RPH3AL: variants seen among roughly 807,000 people sequenced by gnomAD.
RPH3AL encodes rab effector Noc2.
RPH3AL carries 38 observed loss-of-function variants against 43.1 expected under a neutral mutation model. The ratio of observed to expected loss-of-function variants is 0.88; its 90% CI spans 0.68 to 1.15. The LOEUF is 1.15. Ranked by LOEUF, RPH3AL falls within the 50% of genes most tolerant of loss-of-function variation. The pLI, the probability that RPH3AL is intolerant of heterozygous loss-of-function variation, is 0.00. For synonymous variants in RPH3AL, 189 were observed against 176.3 expected (o/e 1.07, Z -0.57); for missense variants, 462 against 423.2 (o/e 1.09, Z -0.81).
chr17:308,488 G>A (rs2043558040), intron 5 of RPH3AL, among the ~76,000 whole-genome samples: 1 of 152,226 alleles, frequency 6.6e-6, no homozygotes, highest in South Asian at 2.1e-4. Flanking sequence ...TTGCAGAGGG[G>A]TTTGCACGCT....
chr17:241,092 A>G (rs1412858767), intron 7 of RPH3AL, among the ~76,000 whole-genome samples: 1 of 64,932 alleles, frequency 1.5e-5, no homozygotes, highest in Non-Finnish European at 3.2e-5. Flanking sequence ...TAATAATAAT[A>G]ATAATAATCT....
At chr17:248,262 G>A (rs1555541013) in intron 6 of RPH3AL, among the ~76,000 whole-genome samples, 2 of 152,174 alleles carry the variant, frequency 1.3e-5, no homozygotes, top group African/African-American at 4.8e-5. Context: ...TGCCCCTCGG[G>A]AGAGGGGCTC....
At chr17:307,092 C>T (rs1031364833) in intron 5 of RPH3AL, among the ~76,000 whole-genome samples, 5 of 152,066 alleles carry the variant, frequency 3.3e-5, no homozygotes, top group South Asian at 2.1e-4. Flanking sequence ...GTCCTCCCCA[C>T]GGCAGGCCCA....
intron 8 of RPH3AL, among the ~76,000 whole-genome samples, chr17:217,093 T>C (rs898990639): frequency 6.9e-6 from 1 of 144,492 alleles, no homozygotes; most frequent in African/African-American, 2.6e-5. Flanking sequence ...GCCCTTCTTC[T>C]GCACTAAAAT....
At chr17:330,301 C>T (rs547912430) in intron 2 of RPH3AL, among the ~76,000 whole-genome samples, 19 of 152,330 alleles carry the variant, frequency 1.2e-4, no homozygotes, top group African/African-American at 3.6e-4. Context: ...CTGGGCAGCC[C>T]CAGACCCCAA....
At chr17:332,915 G>A in intron 2 of RPH3AL, 1 of 883,958 alleles carries the variant, frequency 1.1e-6, no homozygotes, top group Non-Finnish European at 1.6e-6. Context: ...CGCAGTACAG[G>A]GACTAGGAGG....
chr17:303,208 A>AT (rs1405968523), intron 5 of RPH3AL, among the ~76,000 whole-genome samples: 7 of 152,150 alleles, frequency 4.6e-5, no homozygotes, highest in African/African-American at 1.7e-4. Flanking sequence ...CCTGGGCAAC[A>AT]TAACAAGGCC....
chr17:255,822 G>T (rs1235723283), intron 6 of RPH3AL, among the ~76,000 whole-genome samples: 2 of 43,390 alleles, frequency 4.6e-5, no homozygotes, highest in East Asian at 5.7e-4. Context: ...CTAGGAACGT[G>T]ACTACCCTAC....
chr17:317,585 TG>T (rs1278085077), intron 5 of RPH3AL, among the ~76,000 whole-genome samples: 4 of 152,118 alleles, frequency 2.6e-5, no homozygotes, highest in Non-Finnish European at 4.4e-5. Flanking sequence ...TTGGCAAGGC[TG>T]AAGGAGGAGC....
intron 5 of RPH3AL, among the ~76,000 whole-genome samples, chr17:291,067 C>T (rs113440438): frequency 6.6e-6 from 1 of 152,218 alleles, no homozygotes; most frequent in Non-Finnish European, 1.5e-5. Flanking sequence ...GCCTGGAAAA[C>T]GTACGCTGTG....
intron 5 of RPH3AL, among the ~76,000 whole-genome samples, chr17:314,436 GC>G (rs1157679479): frequency 0.037 from 4,063 of 109,644 alleles, 185 homozygotes; most frequent in Middle Eastern, 0.062. Context: ...TAGTCCCTCT[GC>G]CCCCACCTCC....
chr17:323,001 C>T lies in RPH3AL; in HGVS notation c.78-1586G>A, dbSNP rs1438563688. On this transcript the variant is annotated intron_variant, in intron 3 of 9. Transcript: ENST00000331302. The surrounding 1 kb of genome is among the most constrained non-coding windows in gnomAD (Gnocchi z 4.4). ...AGGGATGCCATGAGAATTAATGAGG[C>T]AGGGTAGATAAGGTGCTTTTACATA... is the stretch of plus-strand genomic sequence containing the variant. Among the ~76,000 whole-genome samples, 2 of 152,062 alleles carry T rather than the reference C, an allele frequency of 1.3e-5. No individual in the cohort carries two copies. The highest frequency in any genetic ancestry group is 4.8e-5 in the African/African-American group (2 of 41,368).
chr17:232,591 G>C (rs61214440), intron 7 of RPH3AL, among the ~76,000 whole-genome samples: 1 of 152,086 alleles, frequency 6.6e-6, no homozygotes, highest in Non-Finnish European at 1.5e-5. Flanking sequence ...CCCTCCCCTC[G>C]CCCTGTCTCA....
chr17:281,271 G>C (rs917688654), intron 6 of RPH3AL, among the ~76,000 whole-genome samples: 1 of 152,164 alleles, frequency 6.6e-6, no homozygotes, highest in South Asian at 2.1e-4. Context: ...CTCTGTGCTT[G>C]CAGGTTATTT....
intron 6 of RPH3AL, among the ~76,000 whole-genome samples, chr17:260,515 C>T (rs537441737): frequency 5.3e-5 from 8 of 152,312 alleles, no homozygotes; most frequent in South Asian, 2.1e-4. Context: ...GGGGAGACCT[C>T]GCCTTCAAGG....
intron 6 of RPH3AL, among the ~76,000 whole-genome samples, chr17:280,947 T>A (rs955764973): frequency 6.6e-6 from 1 of 152,120 alleles, no homozygotes; most frequent in Non-Finnish European, 1.5e-5. Context: ...TAAAAAGTAA[T>A]AAATCCTGAT....
At chr17:325,342 G>T (rs1191414139) in intron 3 of RPH3AL, among the ~76,000 whole-genome samples, 1 of 152,134 alleles carries the variant, frequency 6.6e-6, no homozygotes, top group African/African-American at 2.4e-5. Context: ...CGGAACATGA[G>T]TCTCTGGAGG....
intron 7 of RPH3AL, among the ~76,000 whole-genome samples, chr17:237,918 C>T (rs999019048): frequency 2.0e-5 from 3 of 152,078 alleles, no homozygotes; most frequent in African/African-American, 7.2e-5. Flanking sequence ...GAGGCTGAGC[C>T]AGACAGATGA....
chr17:322,622 C>T lies in RPH3AL; in HGVS notation c.78-1207G>A, dbSNP rs2044511240. ...GAGGGGATGAGGCTCTGGAAAGGCT[C>T]GCTTTCTTTAGGGAAGTGTCAGAAG... On this transcript the variant is annotated intron_variant, in intron 3 of 9. Coordinates refer to ENST00000331302, the MANE Select transcript of RPH3AL (RefSeq NM_006987.4). This position sits in a 1 kb window ranked among gnomAD's most constrained non-coding sequence, Gnocchi z 4.0. Among the ~76,000 whole-genome samples the T allele has an allele frequency of 6.6e-6, 1 of 152,046 alleles. No individual in the cohort carries two copies. The highest frequency in any genetic ancestry group is 2.4e-5 in the African/African-American group (1 of 41,396).
Sources: gnomAD v4.1 joint callset for allele counts (sites outside exome capture counted in the v4.1 genomes callset) on GRCh38, gnomAD v4.1.1 for gene constraint, Gnocchi (gnomAD v3.1) non-coding constraint, MANE v1.5 for transcripts, NCBI Gene and HGNC (gene_info 2026-07-23, HGNC 2026-07-21) for gene names.